Variants in FMN1 observed in about 807,000 individuals in gnomAD.
FMN1 encodes the protein formin 1.
A neutral mutation model predicts 132.4 loss-of-function variants in FMN1; 110 were observed. The observed-to-expected ratio is 0.83, with a 90% CI of 0.71 to 0.97. The LOEUF is 0.97. FMN1 is among the 50% of genes least tolerant of loss of function. The probability of loss-of-function intolerance (pLI) is 0.00; values close to 1 mark genes in which losing one functional copy is unlikely to be tolerated. For synonymous variants in FMN1, 722 were observed against 651.7 expected (o/e 1.11, Z -1.64); for missense variants, 1,792 against 1,705.3 (o/e 1.05, Z -0.90).
At chr15:32,997,772 T>G (rs1596434451) in intron 7 of FMN1, among the ~76,000 whole-genome samples, 1 of 152,222 alleles carries the variant, frequency 6.6e-6, no homozygotes, top group Non-Finnish European at 1.5e-5. Context: ...GAGCTCATCT[T>G]TCACTTACAC....
At chr15:33,125,895 C>T (rs1036734040) in intron 4 of FMN1, among the ~76,000 whole-genome samples, 3 of 152,088 alleles carry the variant, frequency 2.0e-5, no homozygotes, top group African/African-American at 7.2e-5. Flanking sequence ...TTGGCTATAG[C>T]CTATTGAAAA....
chr15:33,175,255 G>T (rs1326773654), intron 3 of FMN1, among the ~76,000 whole-genome samples: 1 of 152,124 alleles, frequency 6.6e-6, no homozygotes, highest in Non-Finnish European at 1.5e-5. Context: ...GTTTTTTACA[G>T]CCAGGGTTTT....
At chr15:32,954,848 A>G (rs920105047) in intron 9 of FMN1, among the ~76,000 whole-genome samples, 2 of 152,228 alleles carry the variant, frequency 1.3e-5, no homozygotes, top group Admixed American at 6.5e-5. Flanking sequence ...TCTACTAAAA[A>G]TACAAAAATT....
At chr15:32,982,415 C>T (rs1050732015) in intron 7 of FMN1, among the ~76,000 whole-genome samples, 1 of 152,184 alleles carries the variant, frequency 6.6e-6, no homozygotes, top group African/African-American at 2.4e-5. Context: ...CACTCCTACA[C>T]ATTTGCCCAA....
intron 10 of FMN1, among the ~76,000 whole-genome samples, chr15:32,922,337 GAATTA>G (rs2140329587): frequency 6.6e-6 from 1 of 152,306 alleles, no homozygotes; most frequent in East Asian, 1.9e-4. Flanking sequence ...TTTAAAAATT[GAATTA>G]AATTCAACGA....
intron 16 of FMN1, among the ~76,000 whole-genome samples, chr15:32,887,502 TTTC>T (rs1360892166): frequency 6.6e-6 from 1 of 152,214 alleles, no homozygotes; most frequent in Non-Finnish European, 1.5e-5. Flanking sequence ...CTTTCAGCAT[TTTC>T]TTTTGACTAA....
chr15:33,018,652 T>G (rs1424719377), intron 6 of FMN1, among the ~76,000 whole-genome samples: 1 of 152,182 alleles, frequency 6.6e-6, no homozygotes, highest in Non-Finnish European at 1.5e-5. Flanking sequence ...TGTCCGGAAT[T>G]GGTGTGTTCT....
chr15:33,007,174 C>A (rs755842120), intron 7 of FMN1, among the ~76,000 whole-genome samples: 1 of 151,830 alleles, frequency 6.6e-6, no homozygotes, highest in Non-Finnish European at 1.5e-5. Context: ...TGTCATATAC[C>A]GTATATATAC....
intron 6 of FMN1, among the ~76,000 whole-genome samples, chr15:33,027,335 T>A (rs1227034814): frequency 1.3e-5 from 2 of 152,190 alleles, no homozygotes; most frequent in Admixed American, 6.5e-5. Context: ...AGATAATTTT[T>A]TAGTATAAGT....
intron 4 of FMN1, among the ~76,000 whole-genome samples, chr15:33,092,117 A>C (rs544373098): frequency 6.6e-6 from 1 of 152,326 alleles, no homozygotes; most frequent in East Asian, 1.9e-4. Flanking sequence ...GTCACAGTAA[A>C]GGTAGGGTGA....
At chr15:32,891,789 C>T (rs347935) in intron 15 of FMN1, among the ~76,000 whole-genome samples, 97,865 of 151,678 alleles carry the variant, frequency 0.65, 33,715 homozygotes, top group African/African-American at 0.9. Context: ...ACTATACACA[C>T]ATATATATAT....
intron 6 of FMN1, among the ~76,000 whole-genome samples, chr15:33,027,774 T>TAC (rs1187794015): frequency 2.0e-5 from 3 of 152,142 alleles, no homozygotes; most frequent in Non-Finnish European, 4.4e-5. Flanking sequence ...CACACGAATA[T>TAC]ACATACACAG....
intron 6 of FMN1, 112 bp from the exon 7 acceptor site, chr15:33,008,187 T>C: frequency 1.2e-6 from 1 of 817,930 alleles, no homozygotes; most frequent in East Asian, 2.7e-5. Context: ...CAATTTGACA[T>C]CAACCTTACA....
At position 33,180,268 on chromosome 15, in the gene FMN1, TA is replaced by T. The variant is rs112974531; in HGVS notation, c.-196-7del. The T allele has an allele frequency of 4.2e-3, 565 of 135,956 alleles. No homozygotes were observed. Among genetic ancestry groups the T allele is most frequent in the Non-Finnish European group, 4.4e-3 (272 of 61,988 alleles). The allele number at this position is 135,956 out of a possible 1,614,324, so 8.4% of individuals were successfully genotyped here. ...AAAACGTGATGCCACCAGGCCTGTGTAAAAAAAAAAAAAAAAATCAAGGCTC... is the reference window on the plus strand; with the variant it reads ...AAAACGTGATGCCACCAGGCCTGTGTAAAAAAAAAAAAAAAATCAAGGCTC... On this transcript the variant is annotated splice_polypyrimidine_tract_variant and splice_region_variant and intron_variant, in intron 2 of 20. Coordinates refer to ENST00000616417, the MANE Select transcript of FMN1 (RefSeq NM_001277313.2).
At chr15:33,099,100 AC>A (rs1345822716) in intron 4 of FMN1, among the ~76,000 whole-genome samples, 2 of 151,956 alleles carry the variant, frequency 1.3e-5, no homozygotes, top group East Asian at 3.9e-4. Flanking sequence ...AACCCCATCT[AC>A]AAAACTCCAT....
chr15:32,908,213 T>G, intron 12 of FMN1: 1 of 307,304 alleles, frequency 3.3e-6, no homozygotes, highest in Admixed American at 4.4e-5. Flanking sequence ...GGTCAAATTG[T>G]TTAGTCTAGG....
rs950145850 is a variant in FMN1, at chr15:32,883,608, C to G, written c.3835+4564G>C. 2.0e-5 allele frequency among the ~76,000 whole-genome samples: 3 copies of G among 151,392 alleles called. No homozygotes were observed. The East Asian group carries it at 5.8e-4, about 29-fold the overall frequency. On this transcript the variant is annotated intron_variant, in intron 16 of 20. Coordinates refer to ENST00000616417, the MANE Select transcript of FMN1 (RefSeq NM_001277313.2). ...TCTGCTAAGTCAGACCTGCCCTCCC[C>G]TACGTTACTAGAGATCCTGACTCCT...
rs554540833 is a variant in FMN1 at position 32,866,053 on chromosome 15, G to A, written c.3836-8946C>T. On this transcript the variant is annotated intron_variant, in intron 16 of 20. Coordinates refer to ENST00000616417, the MANE Select transcript of FMN1 (RefSeq NM_001277313.2). ...ACATTAGAAAAATTTCCCCTTTGAG[G>A]AACATCACACAACGGGGCCTGTTGT... Among the ~76,000 whole-genome samples the A allele has an allele frequency of 1.3e-4, 20 of 151,560 alleles. No homozygotes were observed. In the South Asian group the frequency reaches 3.1e-3, roughly 24 times the overall value.
chr15:32,895,040 T>C (rs960438522), intron 15 of FMN1, among the ~76,000 whole-genome samples: 1 of 152,310 alleles, frequency 6.6e-6, no homozygotes, highest in African/African-American at 2.4e-5. Context: ...GTCTCCATCA[T>C]TGTACACCTA....
Sources: allele counts gnomAD v4.1 joint callset (sites outside exome capture counted in the v4.1 genomes callset), GRCh38; gene constraint gnomAD v4.1.1; transcripts MANE v1.5; gene names NCBI Gene and HGNC (gene_info 2026-07-23, HGNC 2026-07-21).